Variants in PLAGL2 observed in about 807,000 individuals in gnomAD.
The protein encoded by PLAGL2 is PLAG1 like zinc finger 2.
Under a neutral mutation model 29.0 loss-of-function variants are expected in PLAGL2, and 7 were observed. The ratio of observed to expected loss-of-function variants is 0.24; its 90% CI spans 0.14 to 0.45. PLAGL2 has a LOEUF of 0.45. PLAGL2 is among the 20% of genes least tolerant of loss of function. The pLI is 0.99. For synonymous variants in PLAGL2, 234 were observed against 266.0 expected (o/e 0.88, Z 1.17); for missense variants, 454 against 648.2 (o/e 0.70, Z 3.25).
intron 1 of PLAGL2, among the ~76,000 whole-genome samples, chr20:32,202,767 A>G (rs1317179713): frequency 2.6e-5 from 4 of 152,234 alleles, no homozygotes; most frequent in Non-Finnish European, 5.9e-5. Context: ...GCTAAGGAGC[A>G]ATAAAATGCC....
At position 32,196,927 on chromosome 20, in the gene PLAGL2, G is replaced by C; in HGVS notation, c.1016C>G (p.Pro339Arg). The change falls in exon 3 of 3, where the codon CCT (proline) becomes CGT (arginine). Residue 339 changes from proline to arginine, a missense_variant. By Grantham distance (103) the Pro-to-Arg change is moderately radical (BLOSUM62 -2). Transcript: ENST00000246229. ...SSPISSPAQL[P>R]PKYQLGSTSY... ...GGTAGATCCAAGCTGGTATTTTGGA[G>C]GGAGCTGAGCTGGGGAAGAGATAGG... 1 of 1,614,216 alleles carries C rather than the reference G, an allele frequency of 6.2e-7. No homozygotes were observed. Among genetic ancestry groups the C allele is most frequent in the Non-Finnish European group, 8.5e-7 (1 of 1,180,022 alleles).
In PLAGL2 at chr20:32,195,436, T is replaced by C. The variant is rs1177036273; in HGVS notation, c.*1016A>G. The C allele has an allele frequency of 6.5e-6, 1 of 152,684 alleles. No homozygotes were observed. The highest frequency in any genetic ancestry group is 2.4e-5 in the African/African-American group (1 of 41,462). The allele number at this position is 152,684 out of a possible 1,614,324, so 9.5% of individuals were successfully genotyped here. On this transcript the variant is annotated 3_prime_UTR_variant, in exon 3 of 3. Transcript: ENST00000246229. ...CTAGGGGATGGGGAGGTGACGGACG[T>C]GGGCATGCCTTTCATTTCTTCCCCT...
rs576307964 is a variant in PLAGL2 at position 32,194,465 on chromosome 20, C to T, written c.*1987G>A. 2 of 152,748 alleles carry T rather than the reference C, an allele frequency of 1.3e-5. No homozygotes were observed. Among genetic ancestry groups the T allele is most frequent in the South Asian group, 2.1e-4 (1 of 4,824 alleles). 9.5% of individuals were successfully genotyped at this position (152,748 alleles called of 1,614,324 possible). On this transcript the variant is annotated 3_prime_UTR_variant, in exon 3 of 3. Transcript: ENST00000246229. ...CTAGTCTGATTCTAACCTTGCCAGA[C>T]ATTTTAATATCTGGTGTTTTTAAAA...
rs371919531 is a variant in PLAGL2 at position 32,200,593 on chromosome 20, CT to C, written c.260+1325del. Among the ~76,000 whole-genome samples, 670 of 151,080 alleles carry C rather than the reference CT, an allele frequency of 4.4e-3. 4 individuals carry two copies. The highest frequency in any genetic ancestry group is 0.015 in the African/African-American group (616 of 41,086). ...TGCGAAAAGGATAAAATCAAAATTGCTCTTTTTTGTTTTTTTTGAGACAGTC... is the reference window on the plus strand; with the variant it reads ...TGCGAAAAGGATAAAATCAAAATTGCCTTTTTTGTTTTTTTTGAGACAGTC... On this transcript the variant is annotated intron_variant, in intron 2 of 2. Coordinates refer to ENST00000246229, the MANE Select transcript of PLAGL2 (RefSeq NM_002657.3).
chr20:32,205,005 C>T (rs1300823825), intron 1 of PLAGL2, among the ~76,000 whole-genome samples: 1 of 152,228 alleles, frequency 6.6e-6, no homozygotes, highest in Non-Finnish European at 1.5e-5. Flanking sequence ...AGAGCTGCCA[C>T]TTACTGGCTG....
rs150857185 is a variant in PLAGL2 at position 32,201,993 on chromosome 20, T to C, written c.186A>G (p.Gln62=). 21 of 1,614,080 alleles carry C rather than the reference T, an allele frequency of 1.3e-5. No homozygotes were observed. The highest frequency in any genetic ancestry group is 3.3e-4 in the Middle Eastern group (2 of 6,082). ...GEKLRPHSLP[Q]PEQRPYSCPQ... ...GGCAGCTATATGGTCTCTGCTCTGG[T>C]TGCGGGAGGCTGTGAGGCCTCAGCT... is the stretch of plus-strand genomic sequence containing the variant. Residue 62 remains glutamine (Q), a synonymous_variant, in exon 2 of 3, where the codon CAA becomes CAG. Transcript: ENST00000246229.
Position 32,196,962 on chromosome 20 carries a change from C to T in PLAGL2, c.981G>A (p.Leu327=). 2 of 1,614,202 alleles carry T rather than the reference C, an allele frequency of 1.2e-6. No individual in the cohort carries two copies. Among genetic ancestry groups the T allele is most frequent in the Non-Finnish European group, 1.7e-6 (2 of 1,180,026 alleles). The change falls in exon 3 of 3, where the codon CTG becomes CTA. Residue 327 remains leucine (L), a synonymous_variant. Transcript: ENST00000246229. ...CTGGGGAAGAGATAGGTGAGGATTCCAGAGGGTAGCTCATACCCATGGGCA... is the reference window on the plus strand; with the variant it reads ...CTGGGGAAGAGATAGGTGAGGATTCTAGAGGGTAGCTCATACCCATGGGCA... ...NTLPMGMSYP[L]ESSPISSPAQ...
intron 2 of PLAGL2, among the ~76,000 whole-genome samples, chr20:32,198,959 G>T (rs2047244401): frequency 6.6e-6 from 1 of 152,100 alleles, no homozygotes; most frequent in Non-Finnish European, 1.5e-5. Flanking sequence ...GTGTCCCTTG[G>T]TTTACCTGAT....
chr20:32,199,969 A>G (rs990503401), intron 2 of PLAGL2, among the ~76,000 whole-genome samples: 1 of 152,184 alleles, frequency 6.6e-6, no homozygotes, highest in Non-Finnish European at 1.5e-5. Flanking sequence ...CCTGACTACC[A>G]TGCTACCCTG....
At chr20:32,201,560 T>C (rs1350768238) in intron 2 of PLAGL2, among the ~76,000 whole-genome samples, 14 of 152,124 alleles carry the variant, frequency 9.2e-5, no homozygotes, top group Admixed American at 9.2e-4. Context: ...CTAGCCTGGA[T>C]GACAGAGCAA....
Position 32,196,646 on chromosome 20 carries a change from C to T in PLAGL2, c.1297G>A (p.Ala433Thr), listed in dbSNP as rs373208827. 4 of 1,533,876 alleles carry T rather than the reference C, an allele frequency of 2.6e-6. No individual in the cohort carries two copies. The highest frequency in any genetic ancestry group is 3.5e-6 in the Non-Finnish European group (4 of 1,142,412). Residue 433 changes from alanine to threonine, a missense_variant, in exon 3 of 3, where the codon GCC becomes ACC. Physicochemically the swap from Ala to Thr is moderately conservative, Grantham distance 58. Transcript: ENST00000246229. ...TAGCCCATGACCAGGCCTCCTGTGG[C>T]CCCAGGTGGGTTACACGGGGGCAGG... ...LNLPPCNPPG[A>T]TGGLVMGYSQ...
Position 32,193,353 on chromosome 20 carries a change from C to T in PLAGL2, c.*3099G>A, listed in dbSNP as rs761035518. On this transcript the variant is annotated 3_prime_UTR_variant, in exon 3 of 3. Coordinates refer to ENST00000246229, the MANE Select transcript of PLAGL2 (RefSeq NM_002657.3). ...TAATCACACCTGCTTCCCGGATTTT[C>T]AATTAAGAAAATGCCATTTGTAAAA... 7 of 152,172 alleles carry T rather than the reference C, an allele frequency of 4.6e-5. No homozygotes were observed. The highest frequency in any genetic ancestry group is 1.0e-4 in the Non-Finnish European group (7 of 68,026). 9.4% of individuals were successfully genotyped at this position (152,172 alleles called of 1,614,324 possible).
At position 32,195,966 on chromosome 20, in the gene PLAGL2, T is replaced by C. The variant is rs904159528; in HGVS notation, c.*486A>G. 2 of 152,788 alleles carry C rather than the reference T, an allele frequency of 1.3e-5. No individual in the cohort carries two copies. The highest frequency in any genetic ancestry group is 2.4e-5 in the African/African-American group (1 of 41,428). 9.5% of individuals were successfully genotyped at this position (152,788 alleles called of 1,614,324 possible). A position where few individuals can be genotyped will look rare whatever the true frequency, so the allele number is the denominator to read the frequency against. On this transcript the variant is annotated 3_prime_UTR_variant, in exon 3 of 3. Transcript: ENST00000246229. ...AAATAAAGGCCTTCTCTCCTGCCCA[T>C]TGGTTGGAAGCAGGCAATGGAGCCA...
intron 2 of PLAGL2, among the ~76,000 whole-genome samples, chr20:32,200,010 T>C (rs767009101): frequency 2.0e-5 from 3 of 152,164 alleles, no homozygotes; most frequent in Non-Finnish European, 4.4e-5. Flanking sequence ...CTATTAACTG[T>C]TTTCCAGATG....
At chr20:32,207,510 G>C (rs958492094) in intron 1 of PLAGL2, 131 bp downstream of exon 1, 9 of 152,502 alleles carry the variant, frequency 5.9e-5, no homozygotes, top group African/African-American at 2.2e-4. Context: ...CCCGGGTCGG[G>C]GGTGTGGGCG....
rs765989154 is a variant in PLAGL2, at chr20:32,196,798, G to A, written c.1145C>T (p.Pro382Leu). 3.7e-6 allele frequency: 6 copies of A among 1,612,280 alleles called. No homozygotes were observed. The highest frequency in any genetic ancestry group is 1.6e-4 in the Middle Eastern group (1 of 6,072). ...LSSAEPQPAS[P>L]QPAAAAALLD... ...GAGGGCCGCAGCTGCCGCCGGCTGA[G>A]GTGAGGCGGGCTGGGGTTCAGCGGA... The change falls in exon 3 of 3, where the codon CCT becomes CTT. Residue 382 changes from proline to leucine, a missense_variant. Transcript: ENST00000246229.
intron 1 of PLAGL2, among the ~76,000 whole-genome samples, chr20:32,205,806 T>C: frequency 6.6e-6 from 1 of 152,136 alleles, no homozygotes. Flanking sequence ...TTGTATTGAG[T>C]TGCATGTTTC....
chr20:32,203,129 C>T (rs890418785), intron 1 of PLAGL2, among the ~76,000 whole-genome samples: 3 of 152,220 alleles, frequency 2.0e-5, no homozygotes, highest in Non-Finnish European at 4.4e-5. Flanking sequence ...TCCTCTCCAC[C>T]AGCCTGATTG....
At chr20:32,205,470 C>G (rs1239280803) in intron 1 of PLAGL2, among the ~76,000 whole-genome samples, 1 of 152,144 alleles carries the variant, frequency 6.6e-6, no homozygotes, top group Admixed American at 6.5e-5. Context: ...GGCTCCATAT[C>G]CCAAACAGGA....
Sources: allele counts gnomAD v4.1 joint callset (sites outside exome capture counted in the v4.1 genomes callset), GRCh38; gene constraint gnomAD v4.1.1; transcripts MANE v1.5; gene names NCBI Gene and HGNC (gene_info 2026-07-23, HGNC 2026-07-21).